Variants in TRIP4 observed in about 807,000 individuals in gnomAD.
The protein encoded by TRIP4 is thyroid hormone receptor interactor 4, also known as activating signal cointegrator 1.
TRIP4 carries 54 observed loss-of-function variants against 81.8 expected under a neutral mutation model. The observed-to-expected ratio is 0.66, with a 90% confidence interval of 0.53 to 0.83. The LOEUF (loss-of-function observed/expected upper bound fraction) is 0.83, where lower values mean the gene tolerates loss of function less well. Among genes scored for constraint, TRIP4 ranks in the 40% least tolerant of loss-of-function variants. The probability of loss-of-function intolerance (pLI) is 0.00; values close to 1 mark genes in which losing one functional copy is unlikely to be tolerated. For synonymous variants in TRIP4, 270 were observed against 242.8 expected (o/e 1.11, Z -1.04); for missense variants, 662 against 683.6 (o/e 0.97, Z 0.35).
At chr15:64,451,645 A>C (rs2140318160) in intron 12 of TRIP4, among the ~76,000 whole-genome samples, 1 of 146,608 alleles carries the variant, frequency 6.8e-6, no homozygotes, top group African/African-American at 2.5e-5. Flanking sequence ...CTAATTTTTT[A>C]TTGCTTTTAT....
intron 12 of TRIP4, among the ~76,000 whole-genome samples, chr15:64,450,201 A>G (rs1341202848): frequency 8.5e-5 from 13 of 152,080 alleles, no homozygotes; most frequent in Admixed American, 8.5e-4. Flanking sequence ...CATCCTCGCT[A>G]ACACGGTGAA....
At chr15:64,391,970 C>CAAAAA (rs35193532) in intron 1 of TRIP4, among the ~76,000 whole-genome samples, 1 of 23,246 alleles carries the variant, frequency 4.3e-5, no homozygotes, top group Non-Finnish European at 7.7e-5. Flanking sequence ...GACTCTGTCT[C>CAAAAA]AAAAAAAAAA....
chr15:64,395,353 T>G, intron 2 of TRIP4, 45 bp from the exon 3 acceptor site: 1 of 1,537,030 alleles, frequency 6.5e-7, no homozygotes, highest in Non-Finnish European at 8.8e-7. Context: ...GGAATCCTCT[T>G]ATCAATCTGT....
intron 12 of TRIP4, among the ~76,000 whole-genome samples, chr15:64,447,527 G>T (rs1037021092): frequency 4.6e-5 from 7 of 152,160 alleles, no homozygotes; most frequent in African/African-American, 1.4e-4. Flanking sequence ...GCTTAGAGTA[G>T]GAATTTATAT....
chr15:64,449,208 T>C (rs1482328061), intron 12 of TRIP4, among the ~76,000 whole-genome samples: 2 of 146,624 alleles, frequency 1.4e-5, no homozygotes, highest in African/African-American at 4.9e-5. Flanking sequence ...CAAGACCCTG[T>C]CTCTAAAAAA....
intron 11 of TRIP4, among the ~76,000 whole-genome samples, chr15:64,432,801 C>T (rs1301781798): frequency 3.3e-5 from 5 of 151,720 alleles, no homozygotes; most frequent in Non-Finnish European, 5.9e-5. Flanking sequence ...ATCCCAGCTA[C>T]TCGGGAGGCT....
chr15:64,401,641 A>G (rs1301008004), intron 5 of TRIP4, among the ~76,000 whole-genome samples: 1 of 152,218 alleles, frequency 6.6e-6, no homozygotes, highest in Non-Finnish European at 1.5e-5. Flanking sequence ...GAACAGCAAA[A>G]TAAATAATAG....
chr15:64,444,617 G>A (rs1036480349), intron 11 of TRIP4: 1 of 153,214 alleles, frequency 6.5e-6, no homozygotes, highest in Non-Finnish European at 1.5e-5. Context: ...AAGTCTTCCA[G>A]TGCTTCACTT....
chr15:64,391,097 T>G lies in TRIP4; in HGVS notation c.102-2849T>G, dbSNP rs1486277690. On this transcript the variant is annotated intron_variant, in intron 1 of 12. Coordinates refer to ENST00000261884, the MANE Select transcript of TRIP4 (RefSeq NM_016213.5). ...AGGTGTATGTACTACAGTAATGTACTAACTTGAACAATTTTATATGAGTGG... is the reference window on the plus strand; with the variant it reads ...AGGTGTATGTACTACAGTAATGTACGAACTTGAACAATTTTATATGAGTGG... 2.6e-5 allele frequency among the ~76,000 whole-genome samples: 4 copies of G among 152,278 alleles called. No individual in the cohort carries two copies. The South Asian group carries it at 8.3e-4, about 32-fold the overall frequency.
chr15:64,439,440 T>C (rs1202415084), intron 11 of TRIP4, among the ~76,000 whole-genome samples: 1 of 151,890 alleles, frequency 6.6e-6, no homozygotes, highest in African/African-American at 2.4e-5. Flanking sequence ...ACAGCAAATA[T>C]ATGTTCTTTG....
At chr15:64,425,159 G>GT (rs892757330) in intron 10 of TRIP4, among the ~76,000 whole-genome samples, 175 of 149,570 alleles carry the variant, frequency 1.2e-3, no homozygotes, top group African/African-American at 2.0e-3. Flanking sequence ...ACATTTTGAT[G>GT]TTTTTTTTTT....
At chr15:64,423,983 A>G (rs778890713) in intron 9 of TRIP4, 48 bp from the exon 10 acceptor site, 38 of 1,609,312 alleles carry the variant, frequency 2.4e-5, no homozygotes, top group Admixed American at 2.2e-4. Flanking sequence ...GGGATATTCC[A>G]GGAAACTAGA....
intron 8 of TRIP4, among the ~76,000 whole-genome samples, chr15:64,418,061 C>T (rs1891926350): frequency 6.6e-6 from 1 of 152,174 alleles, no homozygotes; most frequent in South Asian, 2.1e-4. Flanking sequence ...TGTATACTAT[C>T]TCTACCCTTT....
chr15:64,418,492 C>T (rs751204586), intron 8 of TRIP4, 49 bp from the exon 9 acceptor site: 2 of 1,515,108 alleles, frequency 1.3e-6, no homozygotes, highest in Non-Finnish European at 8.9e-7. Context: ...CTACCTACCC[C>T]AGATTCTTGC....
At chr15:64,454,822 C>T (rs1394924270) in intron 12 of TRIP4, among the ~76,000 whole-genome samples, 175 bp from the exon 13 acceptor site, 1 of 152,162 alleles carries the variant, frequency 6.6e-6, no homozygotes, top group Non-Finnish European at 1.5e-5. Flanking sequence ...GTACAGTGTT[C>T]CCATTGCTTC....
chr15:64,448,332 C>T (rs548301345), intron 12 of TRIP4, among the ~76,000 whole-genome samples: 417 of 152,256 alleles, frequency 2.7e-3, no homozygotes, highest in Non-Finnish European at 3.7e-3. Flanking sequence ...CATTTTTCTC[C>T]ATAAGGTTTC....
intron 12 of TRIP4, among the ~76,000 whole-genome samples, chr15:64,453,893 G>T (rs764276083): frequency 6.6e-6 from 1 of 152,198 alleles, no homozygotes; most frequent in Non-Finnish European, 1.5e-5. Flanking sequence ...AATTGGACAA[G>T]TGAAAATACT....
chr15:64,406,448 T>C lies in TRIP4; in HGVS notation c.816T>C (p.Phe272=), dbSNP rs1378056025. The change falls in exon 6 of 13, where the codon TTT becomes TTC. Residue 272 remains phenylalanine (F), a synonymous_variant. Coordinates refer to ENST00000261884, the MANE Select transcript of TRIP4 (RefSeq NM_016213.5). ...AGCATAAAGACAAACTGTTAGAGTT[T>C]GACAGAACTAGGTATGAAAGGGTTA... The part of the protein sequence containing the change: ...AIKHKDKLLE[F]DRTSIRRTQV... 1 of 1,613,758 alleles carries C rather than the reference T, an allele frequency of 6.2e-7. No individual in the cohort carries two copies. The highest frequency in any genetic ancestry group is 1.1e-5 in the South Asian group (1 of 91,016).
At chr15:64,445,146 G>A (rs748624568) in intron 12 of TRIP4, 38 bp downstream of exon 12, 12 of 1,141,346 alleles carry the variant, frequency 1.1e-5, no homozygotes, top group Non-Finnish European at 1.6e-5. Flanking sequence ...CTAGTCAAGT[G>A]CAGTAGTAAG....
Sources: gnomAD v4.1 joint callset for allele counts (sites outside exome capture counted in the v4.1 genomes callset) on GRCh38, gnomAD v4.1.1 for gene constraint, MANE v1.5 for transcripts, NCBI Gene and HGNC (gene_info 2026-07-23, HGNC 2026-07-21) for gene names.